GFPT1: variants seen among roughly 807,000 people sequenced by gnomAD.
The protein encoded by GFPT1 is glutamine--fructose-6-phosphate aminotransferase [isomerizing] 1.
GFPT1 carries 40 observed loss-of-function variants against 92.0 expected under a neutral mutation model. The ratio of observed to expected loss-of-function variants is 0.43; its 90% CI spans 0.34 to 0.57. The LOEUF is 0.57. Among genes scored for constraint, GFPT1 ranks in the 20% least tolerant of loss-of-function variants. GFPT1 has a pLI of 0.02. For missense variants in GFPT1, 448 were observed against 869.1 expected, an observed-to-expected ratio of 0.52 and a Z score of 6.09; for synonymous variants, 269 against 280.6, an observed-to-expected ratio of 0.96 and a Z score of 0.41.
At chr2:69,372,934 T>G (rs1181856700) in intron 2 of GFPT1, among the ~76,000 whole-genome samples, 1 of 152,206 alleles carries the variant, frequency 6.6e-6, no homozygotes, top group Non-Finnish European at 1.5e-5. Flanking sequence ...TAACCAAAAG[T>G]GTCTCACTAC....
intron 1 of GFPT1, among the ~76,000 whole-genome samples, chr2:69,377,842 T>A (rs538138779): frequency 6.6e-6 from 1 of 152,176 alleles, no homozygotes; most frequent in Non-Finnish European, 1.5e-5. Context: ...CCGGGTTAAC[T>A]GTAATCTTGG....
chr2:69,355,983 CTTTTTTT>C (rs1157501841), intron 7 of GFPT1, among the ~76,000 whole-genome samples: 12 of 75,616 alleles, frequency 1.6e-4, no homozygotes, highest in Admixed American at 9.5e-4. Context: ...TATTTGCTTT[CTTTTTTT>C]TTTTTTTTTT....
At chr2:69,356,130 A>AT (rs1345370145) in intron 7 of GFPT1, among the ~76,000 whole-genome samples, 1 of 151,696 alleles carries the variant, frequency 6.6e-6, no homozygotes, top group Non-Finnish European at 1.5e-5. Context: ...AGTAGCTGGG[A>AT]TTACAGGCAT....
chr2:69,357,315 A>G (rs1671361587), intron 6 of GFPT1, among the ~76,000 whole-genome samples: 1 of 152,218 alleles, frequency 6.6e-6, no homozygotes, highest in Non-Finnish European at 1.5e-5. Flanking sequence ...GATATTAGAG[A>G]TATAAATATA....
chr2:69,373,855 AAATC>A, intron 2 of GFPT1, 147 bp downstream of exon 2: 1 of 506,240 alleles, frequency 2.0e-6, no homozygotes, highest in Admixed American at 3.1e-5. Context: ...TTACATAAAT[AAATC>A]CTTTAAATAT....
At chr2:69,370,223 T>C (rs575483308) in intron 2 of GFPT1, 115 bp from the exon 3 acceptor site, 5 of 726,524 alleles carry the variant, frequency 6.9e-6, no homozygotes, top group African/African-American at 5.3e-5. Context: ...AATTCACTAA[T>C]GTATTAATTC....
chr2:69,340,216 T>C (rs895561499), intron 13 of GFPT1, among the ~76,000 whole-genome samples: 1 of 149,764 alleles, frequency 6.7e-6, no homozygotes, highest in Non-Finnish European at 1.5e-5. Flanking sequence ...TAGCAGCTAT[T>C]CAGAGGCATG....
intron 15 of GFPT1, among the ~76,000 whole-genome samples, chr2:69,331,147 T>C (rs1407504950): frequency 3.9e-5 from 6 of 152,226 alleles, no homozygotes; most frequent in Non-Finnish European, 7.4e-5. Context: ...TTCTGTGAAA[T>C]ACTGAGAATT....
intron 17 of GFPT1, among the ~76,000 whole-genome samples, chr2:69,329,030 G>C (rs1670597949): frequency 6.6e-6 from 1 of 152,080 alleles, no homozygotes; most frequent in Non-Finnish European, 1.5e-5. Flanking sequence ...TTCTTATCTA[G>C]AGAACTTAAT....
At position 69,326,182 on chromosome 2, in the gene GFPT1, A is replaced by C; in HGVS notation, c.*7T>G. 1 of 1,560,902 alleles carries C rather than the reference A, an allele frequency of 6.4e-7. No homozygotes were observed. Among genetic ancestry groups the C allele is most frequent in the Non-Finnish European group, 8.8e-7 (1 of 1,132,664 alleles). Reference sequence around the variant, plus strand: ...ATACAGTTTCGTACATTTTGTATAGATATTCCTCACTCTACAGTCACAGAT... The same window carrying C: ...ATACAGTTTCGTACATTTTGTATAGCTATTCCTCACTCTACAGTCACAGAT... On this transcript the variant is annotated 3_prime_UTR_variant, in exon 20 of 20. Coordinates refer to ENST00000357308, the MANE Select transcript of GFPT1 (RefSeq NM_001244710.2).
chr2:69,365,271 A>G (rs1163575600), intron 3 of GFPT1, among the ~76,000 whole-genome samples: 1 of 152,102 alleles, frequency 6.6e-6, no homozygotes, highest in African/African-American at 2.4e-5. Context: ...AGAGGTCAGG[A>G]GTTTAAGACC....
intron 17 of GFPT1, 86 bp from the exon 18 acceptor site, chr2:69,328,524 CAAGCCA>C: frequency 1.1e-6 from 1 of 915,590 alleles, no homozygotes. Flanking sequence ...TCTGATATGT[CAAGCCA>C]CTGTCTATCT....
At chr2:69,381,253 G>A (rs1672001277) in intron 1 of GFPT1, among the ~76,000 whole-genome samples, 1 of 152,254 alleles carries the variant, frequency 6.6e-6, no homozygotes, top group South Asian at 2.1e-4. Flanking sequence ...AAAGTGCTGG[G>A]ATTATAGGCG....
At chr2:69,347,702 C>A (rs1671117817) in intron 11 of GFPT1, among the ~76,000 whole-genome samples, 1 of 151,864 alleles carries the variant, frequency 6.6e-6, no homozygotes. Context: ...AGACTGGTCT[C>A]AAACTCCCCA....
chr2:69,355,604 G>A (rs1031568371), intron 7 of GFPT1, among the ~76,000 whole-genome samples: 1 of 152,118 alleles, frequency 6.6e-6, no homozygotes, highest in Non-Finnish European at 1.5e-5. Flanking sequence ...GCCAACACCT[G>A]TTCTGTAACA....
intron 1 of GFPT1, among the ~76,000 whole-genome samples, chr2:69,377,504 A>T (rs111917231): frequency 1.5e-4 from 23 of 151,316 alleles, no homozygotes; most frequent in Non-Finnish European, 2.5e-4. Context: ...AAAATAAAAA[A>T]AAAAAAATAG....
intron 13 of GFPT1, among the ~76,000 whole-genome samples, chr2:69,341,643 G>A (rs953801885): frequency 2.7e-5 from 4 of 146,252 alleles, no homozygotes; most frequent in African/African-American, 1.0e-4. Flanking sequence ...CTTCTGCACT[G>A]ACAATACACA....
chr2:69,354,325 A>G lies in GFPT1; in HGVS notation c.686-13T>C, dbSNP rs1281303694. 1.3e-6 allele frequency: 2 copies of G among 1,583,342 alleles called. No homozygotes were observed. Among genetic ancestry groups the G allele is most frequent in the Non-Finnish European group, 1.7e-6 (2 of 1,167,856 alleles). On this transcript the variant is annotated splice_polypyrimidine_tract_variant and intron_variant, in intron 8 of 19. Coordinates refer to ENST00000357308, the MANE Select transcript of GFPT1 (RefSeq NM_001244710.2). Reference sequence around the variant, plus strand: ...ATCTGAGTCCTAGCTAAGGATACACAACAGAAAAAAATTCTAATCATCAGA... The same window carrying G: ...ATCTGAGTCCTAGCTAAGGATACACGACAGAAAAAAATTCTAATCATCAGA...
At chr2:69,379,884 TA>T (rs1428675755) in intron 1 of GFPT1, among the ~76,000 whole-genome samples, 1 of 151,928 alleles carries the variant, frequency 6.6e-6, no homozygotes, top group East Asian at 2.0e-4. Context: ...CACGCCCAGT[TA>T]TTTTTTTATT....
Sources: allele counts gnomAD v4.1 joint callset (sites outside exome capture counted in the v4.1 genomes callset), GRCh38; gene constraint gnomAD v4.1.1; transcripts MANE v1.5; gene names NCBI Gene and HGNC (gene_info 2026-07-23, HGNC 2026-07-21).